The following FAM240B variants were observed in gnomAD, a reference collection of about 807,000 sequenced individuals.
FAM240B encodes the protein family with sequence similarity 240 member B.
At chr9:38,696,556 G>T (rs1433636956) in intron 2 of FAM240B, among the ~76,000 whole-genome samples, 3 of 152,100 alleles carry the variant, frequency 2.0e-5, no homozygotes, top group Non-Finnish European at 2.9e-5. Context: ...GTACCGTCAA[G>T]ACATTCATTC....
intron 1 of FAM240B, among the ~76,000 whole-genome samples, chr9:38,718,523 C>T (rs1020699578): frequency 2.0e-5 from 3 of 152,138 alleles, no homozygotes; most frequent in African/African-American, 7.2e-5. Context: ...AATGGACCAC[C>T]TTAAGACAGA....
intron 2 of FAM240B, among the ~76,000 whole-genome samples, chr9:38,697,321 T>C (rs1821080127): frequency 6.6e-6 from 1 of 152,198 alleles, no homozygotes; most frequent in Admixed American, 6.5e-5. Flanking sequence ...GCCGTGGTAT[T>C]AATGCAGGCC....
chr9:38,699,154 T>C (rs563976200), intron 2 of FAM240B, among the ~76,000 whole-genome samples: 7 of 152,204 alleles, frequency 4.6e-5, no homozygotes, highest in Non-Finnish European at 1.0e-4. Context: ...TGTTCTAGAT[T>C]CTTCTGATTT....
intron 1 of FAM240B, among the ~76,000 whole-genome samples, chr9:38,717,629 C>T (rs929350868): frequency 8.5e-5 from 13 of 152,052 alleles, no homozygotes; most frequent in Non-Finnish European, 1.5e-4. Flanking sequence ...TACAGGCGCC[C>T]GCCGCCACAC....
intron 1 of FAM240B, among the ~76,000 whole-genome samples, chr9:38,707,649 C>T (rs576817511): frequency 2.0e-5 from 3 of 150,974 alleles, no homozygotes; most frequent in Non-Finnish European, 4.4e-5. Context: ...AAAAAATTAG[C>T]TGGGCGTGGT....
chr9:38,703,494 C>T (rs908665351), intron 2 of FAM240B, among the ~76,000 whole-genome samples: 3 of 152,216 alleles, frequency 2.0e-5, no homozygotes, highest in Non-Finnish European at 2.9e-5. Flanking sequence ...ATACACTCTG[C>T]ACTGCCTTGC....
chr9:38,714,400 T>C (rs1821287920), intron 1 of FAM240B, among the ~76,000 whole-genome samples: 1 of 152,222 alleles, frequency 6.6e-6, no homozygotes, highest in Non-Finnish European at 1.5e-5. Flanking sequence ...AAAAATTTAA[T>C]AATTACTGTG....
chr9:38,718,579 G>A (rs746777956), intron 1 of FAM240B, among the ~76,000 whole-genome samples: 1 of 152,134 alleles, frequency 6.6e-6, no homozygotes. Context: ...ATACCGTGCT[G>A]AATTAATGAA....
At chr9:38,713,992 A>G (rs1218190529) in intron 1 of FAM240B, among the ~76,000 whole-genome samples, 1 of 152,190 alleles carries the variant, frequency 6.6e-6, no homozygotes, top group African/African-American at 2.4e-5. Flanking sequence ...AATCTCTGTA[A>G]ATAAACCCTG....
At chr9:38,716,988 T>C (rs1307488050) in intron 1 of FAM240B, among the ~76,000 whole-genome samples, 3 of 152,094 alleles carry the variant, frequency 2.0e-5, no homozygotes, top group Admixed American at 6.5e-5. Context: ...CAAGTGTAAC[T>C]CCTCAGAAAT....
intron 1 of FAM240B, among the ~76,000 whole-genome samples, chr9:38,717,786 G>A (rs112801401): frequency 6.6e-6 from 1 of 152,120 alleles, no homozygotes; most frequent in Non-Finnish European, 1.5e-5. Context: ...CCGGCCAAGA[G>A]TTACAAAGTT....
chr9:38,719,864 T>C (rs1301342921), intron 1 of FAM240B, among the ~76,000 whole-genome samples, 158 bp downstream of exon 1: 1 of 152,246 alleles, frequency 6.6e-6, no homozygotes, highest in East Asian at 1.9e-4. Context: ...GCCCATCTGT[T>C]ATTCCCAACT....
At chr9:38,702,163 G>A (rs907193757) in intron 2 of FAM240B, among the ~76,000 whole-genome samples, 8 of 152,104 alleles carry the variant, frequency 5.3e-5, no homozygotes, top group South Asian at 2.1e-4. Context: ...ACCACACAAC[G>A]GACTCTCTTC....
At chr9:38,695,037 G>A (rs542396139) in intron 2 of FAM240B, among the ~76,000 whole-genome samples, 168 bp from the exon 3 acceptor site, 1 of 152,292 alleles carries the variant, frequency 6.6e-6, no homozygotes, top group Admixed American at 6.5e-5. Flanking sequence ...ACTTATGAGT[G>A]AGAACATGTG....
At chr9:38,699,242 T>C (rs10973981) in intron 2 of FAM240B, among the ~76,000 whole-genome samples, 16,231 of 152,202 alleles carry the variant, frequency 0.11, 924 homozygotes, top group African/African-American at 0.13. Flanking sequence ...AGGATGATAT[T>C]TGTGAGACTC....
chr9:38,709,336 T>C (rs898618782), intron 1 of FAM240B, among the ~76,000 whole-genome samples: 1 of 152,250 alleles, frequency 6.6e-6, no homozygotes, highest in African/African-American at 2.4e-5. Flanking sequence ...CCAGGCTCAC[T>C]GTAGCTGGTA....
At chr9:38,700,849 G>A (rs1043920891) in intron 2 of FAM240B, among the ~76,000 whole-genome samples, 4 of 152,190 alleles carry the variant, frequency 2.6e-5, no homozygotes, top group African/African-American at 9.7e-5. Flanking sequence ...CAGCATATCA[G>A]TTCCTAGGAA....
intron 1 of FAM240B, among the ~76,000 whole-genome samples, chr9:38,714,952 A>C (rs2119014471): frequency 6.6e-6 from 1 of 152,340 alleles, no homozygotes; most frequent in South Asian, 2.1e-4. Context: ...ACCAATGCTA[A>C]TTTTATTGTT....
intron 2 of FAM240B, among the ~76,000 whole-genome samples, chr9:38,702,166 C>T (rs1821136566): frequency 6.6e-6 from 1 of 152,154 alleles, no homozygotes; most frequent in African/African-American, 2.4e-5. Flanking sequence ...ACACAACGGA[C>T]TCTCTTCACT....
Sources: gnomAD v4.1 joint callset for allele counts (sites outside exome capture counted in the v4.1 genomes callset) on GRCh38, gnomAD v4.1.1 for gene constraint, MANE v1.5 for transcripts, NCBI Gene and HGNC (gene_info 2026-07-23, HGNC 2026-07-21) for gene names.